The following TBC1D8 variants were observed in gnomAD, a reference collection of about 807,000 sequenced individuals.
TBC1D8 encodes the protein TBC1 domain family member 8.
TBC1D8 carries 65 observed loss-of-function variants against 118.8 expected under a neutral mutation model. The ratio of observed to expected loss-of-function variants is 0.55; its 90% CI spans 0.45 to 0.67. The LOEUF (loss-of-function observed/expected upper bound fraction) is 0.67. Ranked by LOEUF, TBC1D8 falls within the 30% of genes least tolerant of loss-of-function variation. The probability of loss-of-function intolerance (pLI) is 0.00; values close to 1 mark genes in which losing one functional copy is unlikely to be tolerated. For synonymous variants in TBC1D8, 566 were observed against 595.8 expected (o/e 0.95, Z 0.73); for missense variants, 1,376 against 1,471.2 (o/e 0.94, Z 1.06).
chr2:101,082,135 T>C (rs971253195), intron 2 of TBC1D8, among the ~76,000 whole-genome samples: 13 of 152,124 alleles, frequency 8.5e-5, no homozygotes, highest in African/African-American at 3.1e-4. Context: ...TGAGACTCCG[T>C]CTCAAAAAAC....
intron 2 of TBC1D8, among the ~76,000 whole-genome samples, chr2:101,085,128 G>C (rs1275973784): frequency 1.3e-5 from 2 of 152,184 alleles, no homozygotes; most frequent in East Asian, 3.9e-4. Flanking sequence ...TGGGATTACA[G>C]GTGTGAGCCA....
rs1256596202 is a variant in TBC1D8 at position 101,090,321 on chromosome 2, T to G, written c.171A>C (p.Ala57=). ...GALDAVLDSN[A]RVAPFRILLQ... ...GCAGAATTCGAAATGGAGCGACCCG[T>G]GCATTGGAATCCAACACTGCATCCA... Residue 57 remains alanine (A), a synonymous_variant, in exon 2 of 20, where the codon GCA becomes GCC. Transcript: ENST00000409318. The G allele has an allele frequency of 1.2e-6, 2 of 1,613,888 alleles. No homozygotes were observed. The highest frequency in any genetic ancestry group is 1.7e-6 in the Non-Finnish European group (2 of 1,179,890).
intron 2 of TBC1D8, among the ~76,000 whole-genome samples, chr2:101,089,804 A>G (rs1243780002): frequency 6.6e-6 from 1 of 152,062 alleles, no homozygotes; most frequent in Non-Finnish European, 1.5e-5. Flanking sequence ...CAAGATTAAG[A>G]AGAAAATGGC....
At chr2:101,021,540 G>C in intron 17 of TBC1D8, 141 bp downstream of exon 17, 1 of 619,266 alleles carries the variant, frequency 1.6e-6, no homozygotes, top group Middle Eastern at 4.0e-4. Context: ...CCAAACCTGT[G>C]ACCTGAAACC....
intron 2 of TBC1D8, among the ~76,000 whole-genome samples, chr2:101,068,995 C>T (rs949830973): frequency 4.9e-5 from 7 of 143,110 alleles, no homozygotes; most frequent in Admixed American, 7.1e-5. Flanking sequence ...AGCAAGACTC[C>T]GTTTCAAGAA....
chr2:101,124,504 A>G (rs1348806658), intron 1 of TBC1D8, among the ~76,000 whole-genome samples: 1 of 152,158 alleles, frequency 6.6e-6, no homozygotes, highest in Non-Finnish European at 1.5e-5. Context: ...CAATTTAAGG[A>G]AAAAAACCTG....
At chr2:101,022,767 CTA>C (rs761304168) in intron 15 of TBC1D8, among the ~76,000 whole-genome samples, 4 of 152,136 alleles carry the variant, frequency 2.6e-5, no homozygotes, top group Non-Finnish European at 5.9e-5. Flanking sequence ...ACCAATGTAA[CTA>C]TTTTTAAATG....
chr2:101,121,550 T>C (rs1322407932), intron 1 of TBC1D8, among the ~76,000 whole-genome samples: 1 of 152,204 alleles, frequency 6.6e-6, no homozygotes, highest in Non-Finnish European at 1.5e-5. Context: ...CCCAGGACGG[T>C]GAAAGGAGCG....
intron 4 of TBC1D8, among the ~76,000 whole-genome samples, chr2:101,051,867 C>T (rs1271179239): frequency 2.0e-5 from 3 of 152,138 alleles, no homozygotes; most frequent in African/African-American, 7.2e-5. Flanking sequence ...GGTATAAATA[C>T]CTTTAAACCA....
At position 101,007,730 on chromosome 2, in the gene TBC1D8, C is replaced by T. The variant is rs1678835416; in HGVS notation, c.*91G>A. 1 of 1,369,230 alleles carries T rather than the reference C, an allele frequency of 7.3e-7. No homozygotes were observed. The highest frequency in any genetic ancestry group is 2.3e-5 in the East Asian group (1 of 43,576). The allele number at this position is 1,369,230 out of a possible 1,614,324, so 84.8% of individuals were successfully genotyped here. Reference sequence around the variant, plus strand: ...CCAGATGCCCCATTGGTAAGGTAGACTGAAATCTCGGTTTAGGGCTGACCC... The same window carrying T: ...CCAGATGCCCCATTGGTAAGGTAGATTGAAATCTCGGTTTAGGGCTGACCC... On this transcript the variant is annotated 3_prime_UTR_variant, in exon 20 of 20. Coordinates refer to ENST00000409318, the MANE Select transcript of TBC1D8 (RefSeq NM_001330348.2).
chr2:101,041,217 G>A (rs141467105), intron 5 of TBC1D8, among the ~76,000 whole-genome samples: 2 of 152,310 alleles, frequency 1.3e-5, no homozygotes, highest in Non-Finnish European at 1.5e-5. Flanking sequence ...AACTGAAAAC[G>A]TGTGTCTTGC....
intron 15 of TBC1D8, among the ~76,000 whole-genome samples, chr2:101,026,883 A>AC (rs1325558218): frequency 2.6e-5 from 4 of 152,190 alleles, no homozygotes; most frequent in African/African-American, 9.7e-5. Flanking sequence ...AATGATTAAG[A>AC]CTATACGGCA....
rs771965407 is a variant in TBC1D8 at position 101,008,144 on chromosome 2, C to G, written c.3145G>C (p.Gly1049Arg). Residue 1049 changes from glycine to arginine, a missense_variant, in exon 20 of 20, where the codon GGC (glycine) becomes CGC (arginine). Physicochemically the swap from Gly to Arg is moderately radical, Grantham distance 125. Transcript: ENST00000409318. ...TGGGAGCAGCTTCCAGAGCTGCTGC[C>G]TCGCTGCCCCACCTCCCCGATCTGC... ...LLQIGEVGQR[G>R]SSSGSCSQEC... The G allele has an allele frequency of 1.7e-5, 27 of 1,613,750 alleles. No homozygotes were observed. Among genetic ancestry groups the G allele is most frequent in the Non-Finnish European group, 2.1e-5 (25 of 1,179,822 alleles).
At chr2:101,035,893 C>A in intron 9 of TBC1D8, 125 bp downstream of exon 9, 2 of 1,162,382 alleles carry the variant, frequency 1.7e-6, no homozygotes, top group Non-Finnish European at 2.4e-6. Context: ...GCTGGGAAAT[C>A]ACAGGAATGA....
chr2:101,017,209 G>A (rs1281327618), intron 17 of TBC1D8, among the ~76,000 whole-genome samples: 1 of 151,984 alleles, frequency 6.6e-6, no homozygotes, highest in Admixed American at 6.6e-5. Context: ...ACACAAAGCT[G>A]TCCTCTCCTG....
At chr2:101,063,268 A>G (rs1558666576) in intron 2 of TBC1D8, among the ~76,000 whole-genome samples, 1 of 152,250 alleles carries the variant, frequency 6.6e-6, no homozygotes, top group Admixed American at 6.5e-5. Context: ...AGTCATCAAA[A>G]AACTAGACTT....
chr2:101,038,004 A>G (rs1267442625), intron 7 of TBC1D8, among the ~76,000 whole-genome samples: 1 of 152,096 alleles, frequency 6.6e-6, no homozygotes, highest in Non-Finnish European at 1.5e-5. Flanking sequence ...GAGGACGGCC[A>G]CCCTGAGAAA....
chr2:101,085,721 C>A lies in TBC1D8; in HGVS notation c.283+4488G>T, dbSNP rs555701408. Among the ~76,000 whole-genome samples, 6 of 152,154 alleles carry A rather than the reference C, an allele frequency of 3.9e-5. No individual in the cohort carries two copies. In the East Asian group the frequency reaches 1.2e-3, roughly 29 times the overall value. ...CTCAAGGAAGAAAAGAAAATTCTCA[C>A]GAATGCTTCATGCTCCCTAACAACT... On this transcript the variant is annotated intron_variant, in intron 2 of 19. Coordinates refer to ENST00000409318, the MANE Select transcript of TBC1D8 (RefSeq NM_001330348.2).
At chr2:101,093,341 TTACATACTTACA>T (rs374734731) in intron 1 of TBC1D8, among the ~76,000 whole-genome samples, 12 of 152,110 alleles carry the variant, frequency 7.9e-5, no homozygotes, top group Admixed American at 2.0e-4. Context: ...GCATACGCAT[TTACATACTTACA>T]TACATACTTA....
Sources: allele counts gnomAD v4.1 joint callset (sites outside exome capture counted in the v4.1 genomes callset), GRCh38; gene constraint gnomAD v4.1.1; transcripts MANE v1.5; gene names NCBI Gene and HGNC (gene_info 2026-07-23, HGNC 2026-07-21).